The following ELF1 variants were observed in gnomAD, a reference collection of about 807,000 sequenced individuals.
ELF1 encodes ETS-related transcription factor Elf-1.
ELF1 carries 24 observed loss-of-function variants against 59.9 expected under a neutral mutation model. That is an observed-to-expected ratio of 0.40 (90% CI 0.29 to 0.56). The LOEUF is 0.56. ELF1 is among the 20% of genes least tolerant of loss of function. The pLI is 0.44. For missense variants in ELF1, 627 were observed against 742.2 expected, an observed-to-expected ratio of 0.84 and a Z score of 1.80; for synonymous variants, 248 against 266.2, an observed-to-expected ratio of 0.93 and a Z score of 0.67.
intron 1 of ELF1, among the ~76,000 whole-genome samples, chr13:40,987,863 C>T (rs1873642399): frequency 6.6e-6 from 1 of 151,964 alleles, no homozygotes; most frequent in South Asian, 2.1e-4. Flanking sequence ...GATGTGGTAA[C>T]CTAATAAAAG....
upstream of ELF1, among the ~76,000 whole-genome samples, chr13:41,022,607 A>C (rs1875730023): frequency 6.6e-6 from 1 of 152,246 alleles, no homozygotes; most frequent in South Asian, 2.1e-4. Flanking sequence ...TAGGCCAGGC[A>C]CGTTGGCTCA....
At chr13:41,005,791 C>T (rs143311226) in intron 1 of ELF1, among the ~76,000 whole-genome samples, 134 of 152,300 alleles carry the variant, frequency 8.8e-4, no homozygotes, top group African/African-American at 3.0e-3. Flanking sequence ...GCTCACCTTT[C>T]ACCATGCCAA....
At chr13:41,032,735 A>G (rs939424611) in intron 1 of ELF1, among the ~76,000 whole-genome samples, 97 of 152,050 alleles carry the variant, frequency 6.4e-4, no homozygotes, top group Non-Finnish European at 9.3e-4. Context: ...CTGTAGTCCC[A>G]GCTACTTAGG....
At chr13:41,006,377 T>C (rs911914624) in intron 1 of ELF1, among the ~76,000 whole-genome samples, 2 of 152,126 alleles carry the variant, frequency 1.3e-5, no homozygotes, top group African/African-American at 4.8e-5. Flanking sequence ...ACATCACCCA[T>C]TTCCTTACAC....
At chr13:40,979,088 A>ATGTCCACGTAACACAGC (rs1873100374) in intron 2 of ELF1, among the ~76,000 whole-genome samples, 1 of 151,444 alleles carries the variant, frequency 6.6e-6, no homozygotes, top group African/African-American at 2.4e-5. Flanking sequence ...CGTAACACAG[A>ATGTCCACGTAACACAGC]CTTGTCCATC....
chr13:41,046,302 T>A (rs1016934899), intron 1 of ELF1, among the ~76,000 whole-genome samples: 4 of 152,228 alleles, frequency 2.6e-5, no homozygotes, highest in African/African-American at 7.2e-5. Context: ...TTAATATTGT[T>A]ATGTGTGAAT....
At chr13:41,007,662 G>GA (rs920188941) in intron 1 of ELF1, among the ~76,000 whole-genome samples, 1 of 151,972 alleles carries the variant, frequency 6.6e-6, no homozygotes, top group Non-Finnish European at 1.5e-5. Context: ...GCCAAAAACA[G>GA]AAAAATACTG....
intron 1 of ELF1, among the ~76,000 whole-genome samples, chr13:41,041,153 A>G (rs1876590768): frequency 6.6e-6 from 1 of 151,820 alleles, no homozygotes; most frequent in South Asian, 2.1e-4. Context: ...CATCATGGCT[A>G]GAATGCAGAG....
chr13:41,010,570 T>C (rs1029510268), intron 1 of ELF1, among the ~76,000 whole-genome samples: 1 of 151,858 alleles, frequency 6.6e-6, no homozygotes, highest in Non-Finnish European at 1.5e-5. Context: ...AGTTTATCTA[T>C]GTTTCTCTAA....
At chr13:40,954,977 G>C (rs1161635763) in intron 3 of ELF1, among the ~76,000 whole-genome samples, 4 of 145,058 alleles carry the variant, frequency 2.8e-5, no homozygotes, top group Non-Finnish European at 4.6e-5. Context: ...GTCTCTGCCC[G>C]GCCGCCATCC....
At position 41,003,524 on chromosome 13, in the gene ELF1, G is replaced by A. The variant is rs189423737; in HGVS notation, c.-229+15704C>T. On this transcript the variant is annotated intron_variant, in intron 1 of 8. Coordinates refer to ENST00000239882, the MANE Select transcript of ELF1 (RefSeq NM_172373.4). Reference sequence around the variant, plus strand: ...TTATAAGACATTCCTAGAATGGCCAGATCTAAGCTAAAGTCCTATTTGTGA... The same window carrying A: ...TTATAAGACATTCCTAGAATGGCCAAATCTAAGCTAAAGTCCTATTTGTGA... Among the ~76,000 whole-genome samples, 10 of 138,494 alleles carry A rather than the reference G, an allele frequency of 7.2e-5. 1 individual carries two copies. The highest frequency in any genetic ancestry group is 3.9e-4 in the Admixed American group (5 of 12,938). 90.9% of individuals were successfully genotyped at this position (138,494 alleles called of 152,430 possible).
chr13:40,951,183 G>A lies in ELF1; in HGVS notation c.361+146C>T, dbSNP rs1229537438. On this transcript the variant is annotated intron_variant, in intron 4 of 8. Transcript: ENST00000239882. The stretch of plus-strand genomic sequence containing the variant: ...ATCTTTAACTCTACGTTTTTGCAAA[G>A]GCACCTCAATTCCTACTATACCTTA... 5.3e-6 allele frequency: 3 copies of A among 569,234 alleles called. No individual in the cohort carries two copies. In the South Asian group the frequency reaches 1.1e-4, roughly 21 times the overall value. The allele number at this position is 569,234 out of a possible 1,614,324, so 35.3% of individuals were successfully genotyped here. A position where few individuals can be genotyped will look rare whatever the true frequency, so the allele number is the denominator to read the frequency against.
chr13:40,938,227 T>C (rs951144879), intron 8 of ELF1, among the ~76,000 whole-genome samples: 2 of 152,154 alleles, frequency 1.3e-5, no homozygotes, highest in Non-Finnish European at 2.9e-5. Flanking sequence ...TTTCAGAAAA[T>C]AGTTTACCAG....
At chr13:41,051,393 GT>G (rs142791207) in intron 1 of ELF1, among the ~76,000 whole-genome samples, 5,952 of 152,018 alleles carry the variant, frequency 0.039, 272 homozygotes, top group East Asian at 0.2. Context: ...CTCTTTGCCT[GT>G]GGCTGTACCC....
At chr13:40,964,168 C>A (rs1872031445) in intron 2 of ELF1, among the ~76,000 whole-genome samples, 1 of 152,176 alleles carries the variant, frequency 6.6e-6, no homozygotes, top group Non-Finnish European at 1.5e-5. Context: ...ACCACACATT[C>A]TACAATTCCT....
At chr13:40,953,628 TTTC>T (rs781164871) in intron 3 of ELF1, among the ~76,000 whole-genome samples, 1 of 152,242 alleles carries the variant, frequency 6.6e-6, no homozygotes, top group Non-Finnish European at 1.5e-5. Context: ...TCTGTGGTAC[TTTC>T]TTATGGCAGT....
chr13:41,012,423 TTC>T lies in ELF1; in HGVS notation c.-229+6803_-229+6804del, dbSNP rs542881302. On this transcript the variant is annotated intron_variant, in intron 1 of 8. Transcript: ENST00000239882. Reference sequence around the variant, plus strand: ...TACCATAGTTTGTTTGTTTTTGTTTTTCTGTTTTGTTTTTAAGAAAAAAAGGT... The same window carrying T: ...TACCATAGTTTGTTTGTTTTTGTTTTTGTTTTGTTTTTAAGAAAAAAAGGT... Among the ~76,000 whole-genome samples, 29 of 151,914 alleles carry T rather than the reference TTC, an allele frequency of 1.9e-4. No homozygotes were observed. In the South Asian group the frequency reaches 2.1e-3, roughly 11 times the overall value.
chr13:41,025,149 C>T (rs983836201), intron 1 of ELF1, among the ~76,000 whole-genome samples: 4 of 152,196 alleles, frequency 2.6e-5, no homozygotes, highest in Admixed American at 2.0e-4. Flanking sequence ...GCCCTATCTT[C>T]CTGACTCTCC....
chr13:40,991,936 T>C (rs566645159), intron 1 of ELF1, among the ~76,000 whole-genome samples: 6 of 152,336 alleles, frequency 3.9e-5, no homozygotes, highest in South Asian at 2.1e-4. Context: ...AGCAATAACA[T>C]TGATATAGTG....
Sources: gnomAD v4.1 joint callset for allele counts (sites outside exome capture counted in the v4.1 genomes callset) on GRCh38, gnomAD v4.1.1 for gene constraint, MANE v1.5 for transcripts, NCBI Gene and HGNC (gene_info 2026-07-23, HGNC 2026-07-21) for gene names.